Variants in RPIA observed in about 807,000 individuals in gnomAD.
The protein encoded by RPIA is ribose 5-phosphate isomerase A.
RPIA carries 29 observed loss-of-function variants against 37.8 expected under a neutral mutation model. That is an observed-to-expected ratio of 0.77 (90% CI 0.57 to 1.05). The LOEUF is 1.05. Among genes scored for constraint, RPIA ranks in the 50% least tolerant of loss-of-function variants. The probability of loss-of-function intolerance (pLI) is 0.00; values close to 1 mark genes in which losing one functional copy is unlikely to be tolerated. For missense variants in RPIA, 385 were observed against 413.6 expected, an observed-to-expected ratio of 0.93 and a Z score of 0.60; for synonymous variants, 167 against 157.0, an observed-to-expected ratio of 1.06 and a Z score of -0.48.
intron 8 of RPIA, among the ~76,000 whole-genome samples, chr2:88,744,508 C>T (rs2104147956): frequency 6.6e-6 from 1 of 152,284 alleles, no homozygotes; most frequent in South Asian, 2.1e-4. Flanking sequence ...TCTGTTAAGT[C>T]CATTTGCTCC....
At chr2:88,703,556 T>C (rs1207467222) in intron 3 of RPIA, among the ~76,000 whole-genome samples, 1 of 152,112 alleles carries the variant, frequency 6.6e-6, no homozygotes, top group Non-Finnish European at 1.5e-5. Flanking sequence ...CAGCCAGGGG[T>C]GGAGTGGCTA....
At chr2:88,715,401 A>G (rs371732201) in intron 3 of RPIA, among the ~76,000 whole-genome samples, 8 of 152,326 alleles carry the variant, frequency 5.3e-5, no homozygotes, top group African/African-American at 1.9e-4. Flanking sequence ...TATGATTCTA[A>G]TTAATGTCAG....
intron 1 of RPIA, among the ~76,000 whole-genome samples, chr2:88,693,698 T>C (rs1676975409): frequency 6.6e-6 from 1 of 152,226 alleles, no homozygotes; most frequent in Non-Finnish European, 1.5e-5. Flanking sequence ...TGGACACAAA[T>C]ACGAAAGTGT....
chr2:88,712,331 C>T (rs1372245379), intron 3 of RPIA, among the ~76,000 whole-genome samples: 1 of 152,218 alleles, frequency 6.6e-6, no homozygotes, highest in Non-Finnish European at 1.5e-5. Flanking sequence ...AAATTCCAGC[C>T]TTGCAAGTGA....
At chr2:88,747,481 T>C (rs958251124) in intron 8 of RPIA, among the ~76,000 whole-genome samples, 1 of 152,226 alleles carries the variant, frequency 6.6e-6, no homozygotes, top group African/African-American at 2.4e-5. Flanking sequence ...GGAAAATTTG[T>C]GCTCAGTTGA....
At chr2:88,722,678 C>CA (rs1673148916) in intron 3 of RPIA, among the ~76,000 whole-genome samples, 1 of 152,192 alleles carries the variant, frequency 6.6e-6, no homozygotes, top group East Asian at 1.9e-4. Context: ...TCTCACAGTA[C>CA]AAGGTGATCT....
chr2:88,724,858 G>A (rs1484003041), intron 3 of RPIA, among the ~76,000 whole-genome samples: 1 of 152,174 alleles, frequency 6.6e-6, no homozygotes, highest in East Asian at 1.9e-4. Flanking sequence ...CCTTGATTAG[G>A]TAGTAGAAGG....
At chr2:88,723,795 GCA>G (rs1322609461) in intron 3 of RPIA, among the ~76,000 whole-genome samples, 1 of 152,120 alleles carries the variant, frequency 6.6e-6, no homozygotes, top group Admixed American at 6.5e-5. Context: ...GGTGGTCAGA[GCA>G]CAGTTTGGTT....
chr2:88,700,530 T>C (rs1460092805), intron 3 of RPIA, among the ~76,000 whole-genome samples: 3 of 152,190 alleles, frequency 2.0e-5, no homozygotes, highest in African/African-American at 7.2e-5. Context: ...CTTGTACCTG[T>C]AGTTCCAACT....
At chr2:88,737,174 C>T (rs1368102517) in intron 7 of RPIA, among the ~76,000 whole-genome samples, 4 of 152,126 alleles carry the variant, frequency 2.6e-5, no homozygotes, top group African/African-American at 4.8e-5. Flanking sequence ...CCAAATTTTT[C>T]GTGTTTCTCT....
intron 4 of RPIA, among the ~76,000 whole-genome samples, chr2:88,734,068 G>A (rs1673284359): frequency 1.3e-5 from 2 of 151,602 alleles, no homozygotes; most frequent in African/African-American, 4.8e-5. Flanking sequence ...CTCACAGTTA[G>A]TACAGAGACT....
At position 88,738,032 on chromosome 2, in the gene RPIA, T is replaced by A; in HGVS notation, c.794T>A (p.Val265Glu). ...ATCTTGGACTGGAAGTTTGACCGGG[T>A]ACACAAATGGAGTGAAGTGAATACA... ...NFILDWKFDR[V>E]HKWSEVNTAI... The change falls in exon 8 of 9, where the codon GTA becomes GAA. Residue 265 changes from valine (V) to glutamate (E), a missense_variant. Coordinates refer to ENST00000283646, the MANE Select transcript of RPIA (RefSeq NM_144563.3). 1 of 1,614,038 alleles carries A rather than the reference T, an allele frequency of 6.2e-7. No homozygotes were observed.
rs764106936 is a variant in RPIA at position 88,700,017 on chromosome 2, G to C, written c.355G>C (p.Val119Leu). The change falls in exon 3 of 9, where the codon GTG becomes CTG. Residue 119 changes from valine (V) to leucine (L), a missense_variant. Val to Leu is a conservative substitution (Grantham distance 32). Around this residue, in one of 2 missense-constraint regions of RPIA, gnomAD observed 232 missense variants for 203.0 expected, o/e 1.14. Transcript: ENST00000283646. ...VHAVQRIAER[V>L]KQENLNLVCI... is the part of the protein sequence containing the mutation. ...GGCTTTTGTTTCCACAGCTGAAAGG[G>C]TGAAGCAAGAGAATCTGAACCTCGT... The C allele has an allele frequency of 1.2e-6, 2 of 1,614,098 alleles. No individual in the cohort carries two copies. The highest frequency in any genetic ancestry group is 1.7e-6 in the Non-Finnish European group (2 of 1,180,036).
Position 88,737,973 on chromosome 2 carries a change from C to T in RPIA, c.739-4C>T, listed in dbSNP as rs750701985. 8 of 1,610,406 alleles carry T rather than the reference C, an allele frequency of 5.0e-6. No individual in the cohort carries two copies. The highest frequency in any genetic ancestry group is 1.1e-5 in the South Asian group (1 of 90,974). ...CTTGGTCACTGTGGAAAATTATCTT[C>T]TAGGGTCCTGTGGTGACAGATAATG... On this transcript the variant is annotated splice_region_variant and splice_polypyrimidine_tract_variant and intron_variant, in intron 7 of 8. Coordinates refer to ENST00000283646, the MANE Select transcript of RPIA (RefSeq NM_144563.3).
intron 3 of RPIA, among the ~76,000 whole-genome samples, chr2:88,726,652 T>A (rs916376827): frequency 6.6e-6 from 1 of 152,198 alleles, no homozygotes; most frequent in African/African-American, 2.4e-5. Flanking sequence ...GAAGTAGAGA[T>A]AATGTGCCTT....
rs1218324347 is a variant in RPIA, at chr2:88,735,755, T to C, written c.596+18T>C. 4.3e-6 allele frequency: 7 copies of C among 1,612,982 alleles called. No individual in the cohort carries two copies. The highest frequency in any genetic ancestry group is 3.3e-5 in the Admixed American group (2 of 60,012). On this transcript the variant is annotated intron_variant, in intron 6 of 8. Transcript: ENST00000283646. ...GATTTCAGGTACAGTTTCTGGTGTC[T>C]GAGCTGCCAACTGAGGAGGTAGATT...
Position 88,696,179 on chromosome 2 carries a change from A to G in RPIA, c.286-2305A>G, listed in dbSNP as rs576099677. On this transcript the variant is annotated intron_variant, in intron 1 of 8. Transcript: ENST00000283646. ...CTATGGGCTTTCCTTTGTCAAATAA[A>G]TTAATTGTTAATCAGTTGTTGGAAA... is the stretch of plus-strand genomic sequence containing the variant. 3.3e-5 allele frequency among the ~76,000 whole-genome samples: 5 copies of G among 152,296 alleles called. No individual in the cohort carries two copies. The South Asian group carries it at 1.0e-3, about 32-fold the overall frequency.
At position 88,696,316 on chromosome 2, in the gene RPIA, A is replaced by T. The variant is rs1257963482; in HGVS notation, c.286-2168A>T. 2.0e-5 allele frequency among the ~76,000 whole-genome samples: 3 copies of T among 152,048 alleles called. No individual in the cohort carries two copies. In the East Asian group the frequency reaches 5.8e-4, roughly 29 times the overall value. ...CCCAGCACTTTGGGAGGCAGAGGTG[A>T]GATGATCACTTGAGGCCAGGAGTTC... On this transcript the variant is annotated intron_variant, in intron 1 of 8. Transcript: ENST00000283646.
chr2:88,738,912 A>G (rs553062726), intron 8 of RPIA, among the ~76,000 whole-genome samples: 1 of 152,324 alleles, frequency 6.6e-6, no homozygotes, highest in African/African-American at 2.4e-5. Flanking sequence ...TGAATGTTTA[A>G]TGCTTACTTG....
Sources: gnomAD v4.1 joint callset for allele counts (sites outside exome capture counted in the v4.1 genomes callset) on GRCh38, gnomAD v4.1.1 for gene constraint, gnomAD v4.1.1 regional missense constraint, MANE v1.5 for transcripts, NCBI Gene and HGNC (gene_info 2026-07-23, HGNC 2026-07-21) for gene names.